UCHL3: variants seen among roughly 807,000 people sequenced by gnomAD.
UCHL3 encodes the protein ubiquitin C-terminal hydrolase L3.
Under a neutral mutation model 35.8 loss-of-function variants are expected in UCHL3, and 22 were observed. The observed-to-expected ratio is 0.61, with a 90% CI of 0.44 to 0.88. The LOEUF is 0.88. UCHL3 is among the 40% of genes least tolerant of loss of function. The probability of loss-of-function intolerance (pLI) is 0.00; values close to 1 mark genes in which losing one functional copy is unlikely to be tolerated. For synonymous variants in UCHL3, 90 were observed against 92.8 expected (o/e 0.97, Z 0.17); for missense variants, 229 against 276.9 (o/e 0.83, Z 1.23).
intron 6 of UCHL3, among the ~76,000 whole-genome samples, chr13:75,587,380 T>C (rs2032355550): frequency 6.6e-6 from 1 of 151,994 alleles, no homozygotes; most frequent in East Asian, 1.9e-4. Flanking sequence ...ATGCTATAAA[T>C]TACACAACTA....
At chr13:75,604,669 A>T in intron 7 of UCHL3, 100 bp from the exon 8 acceptor site, 1 of 856,584 alleles carries the variant, frequency 1.2e-6, no homozygotes, top group Non-Finnish European at 1.7e-6. Context: ...AATGGCTTTT[A>T]ACTTTTCTTG....
At chr13:75,588,094 C>CTAAT (rs2032376793) in intron 6 of UCHL3, among the ~76,000 whole-genome samples, 1 of 152,042 alleles carries the variant, frequency 6.6e-6, no homozygotes, top group African/African-American at 2.4e-5. Flanking sequence ...AAGAGGCTAA[C>CTAAT]TGATTAAATT....
rs183025211 is a variant in UCHL3 at position 75,555,626 on chromosome 13, A to G, written c.55-5127A>G. Among the ~76,000 whole-genome samples, 4 of 148,120 alleles carry G rather than the reference A, an allele frequency of 2.7e-5. No individual in the cohort carries two copies. The East Asian group carries it at 6.0e-4, about 22-fold the overall frequency. On this transcript the variant is annotated intron_variant, in intron 2 of 8. Transcript: ENST00000377595. ...TGGTTTAATTTTTTATTATAATAAT[A>G]TATAAGTAGAAGAATTATATTTCTT...
At chr13:75,604,416 A>G (rs562872499) in intron 7 of UCHL3, 9 of 171,728 alleles carry the variant, frequency 5.2e-5, no homozygotes, top group Admixed American at 5.0e-4. Flanking sequence ...AGATCTTCCT[A>G]TTTAAAGTGA....
chr13:75,566,794 TG>T lies in UCHL3; in HGVS notation c.284del (p.Cys95LeufsTer6), dbSNP rs2031698423. 4 of 1,611,396 alleles carry T rather than the reference TG, an allele frequency of 2.5e-6. No homozygotes were observed. The East Asian group carries it at 8.9e-5, about 36-fold the overall frequency. ...CATGAAGCAAACAATCAGCAATGCC[TG>T]TGGAACAATTGGACTGATTCATGCT... is the stretch of plus-strand genomic sequence containing the variant. ...YFMKQTISNA[C>X]GTIGLIHAIA... On this transcript the variant is annotated frameshift_variant, in exon 4 of 9. Coordinates refer to ENST00000377595, the MANE Select transcript of UCHL3 (RefSeq NM_006002.5). LOFTEE classifies it high-confidence loss of function.
At chr13:75,575,909 A>T (rs1169716526) in intron 6 of UCHL3, among the ~76,000 whole-genome samples, 2 of 151,706 alleles carry the variant, frequency 1.3e-5, no homozygotes, top group Admixed American at 1.3e-4. Flanking sequence ...GTGCCACCAC[A>T]CCCAGCTAAT....
At chr13:75,579,201 G>T (rs1010747661) in intron 6 of UCHL3, among the ~76,000 whole-genome samples, 7 of 152,058 alleles carry the variant, frequency 4.6e-5, no homozygotes, top group Non-Finnish European at 1.5e-5. Context: ...TTAGGAAGAA[G>T]CTTAGTTCTT....
chr13:75,605,113 A>G (rs1252117571), intron 8 of UCHL3, among the ~76,000 whole-genome samples: 3 of 152,230 alleles, frequency 2.0e-5, no homozygotes, highest in Non-Finnish European at 4.4e-5. Flanking sequence ...CATTAATTGT[A>G]TCTTGATCCT....
chr13:75,553,592 C>T (rs2031188800), intron 2 of UCHL3, among the ~76,000 whole-genome samples: 1 of 152,220 alleles, frequency 6.6e-6, no homozygotes, highest in South Asian at 2.1e-4. Context: ...TCAGCCACTT[C>T]ATCCTAGACT....
chr13:75,600,376 AGAG>A (rs759980579), intron 7 of UCHL3, among the ~76,000 whole-genome samples: 7 of 152,204 alleles, frequency 4.6e-5, no homozygotes, highest in Non-Finnish European at 8.8e-5. Flanking sequence ...CTGTAGCTAG[AGAG>A]GAGATGTCAA....
chr13:75,604,853 C>T (rs944842717), intron 8 of UCHL3, 26 bp downstream of exon 8: 11 of 1,566,294 alleles, frequency 7.0e-6, no homozygotes, highest in Non-Finnish European at 9.5e-6. Context: ...GTTGGCCCAT[C>T]TTCATCAATA....
chr13:75,587,969 T>G (rs2032372799), intron 6 of UCHL3, among the ~76,000 whole-genome samples: 1 of 152,178 alleles, frequency 6.6e-6, no homozygotes, highest in African/African-American at 2.4e-5. Context: ...GTTGCTCTCA[T>G]GTGAATTGCC....
chr13:75,577,523 C>T (rs879657729), intron 6 of UCHL3, among the ~76,000 whole-genome samples: 2 of 152,120 alleles, frequency 1.3e-5, no homozygotes, highest in Admixed American at 6.5e-5. Context: ...ACCAATAGTC[C>T]GTGGATATCG....
chr13:75,552,458 C>G (rs1270540176), intron 2 of UCHL3, among the ~76,000 whole-genome samples: 1 of 152,168 alleles, frequency 6.6e-6, no homozygotes, highest in African/African-American at 2.4e-5. Flanking sequence ...GCTTTAGGCT[C>G]TGATGATGCC....
rs2032446759 is a variant in UCHL3 at position 75,590,254 on chromosome 13, C to T, written c.475-4661C>T. On this transcript the variant is annotated intron_variant, in intron 6 of 8. Transcript: ENST00000377595. Reference sequence around the variant, plus strand: ...TCACTCAACCATTAGCTTTTTCTCCCCCAATAAGATTGCAAGCATATCTCT... The same window carrying T: ...TCACTCAACCATTAGCTTTTTCTCCTCCAATAAGATTGCAAGCATATCTCT... 2.3e-5 allele frequency: 27 copies of T among 1,189,596 alleles called. 1 individual carries two copies. In the South Asian group the frequency reaches 4.3e-4, roughly 19 times the overall value. 73.7% of individuals were successfully genotyped at this position (1,189,596 alleles called of 1,614,324 possible). A position where few individuals can be genotyped will look rare whatever the true frequency, so the allele number is the denominator to read the frequency against.
intron 6 of UCHL3, among the ~76,000 whole-genome samples, chr13:75,585,261 G>GA (rs1253842010): frequency 6.6e-6 from 1 of 152,016 alleles, no homozygotes; most frequent in Admixed American, 6.6e-5. Flanking sequence ...AAGATAAATG[G>GA]AAAATGTTGC....
chr13:75,590,094 T>A (rs1304192506), intron 6 of UCHL3: 1 of 1,304,098 alleles, frequency 7.7e-7, no homozygotes, highest in Admixed American at 2.3e-5. Context: ...CTGGCGACCC[T>A]TCTTACGTCT....
At chr13:75,597,695 G>A (rs905444219) in intron 7 of UCHL3, among the ~76,000 whole-genome samples, 2 of 152,174 alleles carry the variant, frequency 1.3e-5, no homozygotes, top group African/African-American at 4.8e-5. Flanking sequence ...TTTGGTATGA[G>A]ATGGGGCCGG....
At chr13:75,555,626 A>AATG (rs2031270823) in intron 2 of UCHL3, among the ~76,000 whole-genome samples, 1 of 148,014 alleles carries the variant, frequency 6.8e-6, no homozygotes, top group African/African-American at 2.5e-5. Flanking sequence ...TTATAATAAT[A>AATG]TATAAGTAGA....
Sources: allele counts gnomAD v4.1 joint callset (sites outside exome capture counted in the v4.1 genomes callset), GRCh38; gene constraint gnomAD v4.1.1; transcripts MANE v1.5; gene names NCBI Gene and HGNC (gene_info 2026-07-23, HGNC 2026-07-21).